The following MCHR2 variants were observed in gnomAD, a reference collection of about 807,000 sequenced individuals.
MCHR2 encodes melanin-concentrating hormone receptor 2.
A neutral mutation model predicts 24.8 loss-of-function variants in MCHR2; 15 were observed. That is an observed-to-expected ratio of 0.60 (90% CI 0.40 to 0.93). The LOEUF (loss-of-function observed/expected upper bound fraction) is 0.93, where lower values mean the gene tolerates loss of function less well. MCHR2 is among the 40% of genes least tolerant of loss of function. The probability of loss-of-function intolerance (pLI) is 0.00; values close to 1 mark genes in which losing one functional copy is unlikely to be tolerated. For synonymous variants in MCHR2, 151 were observed against 147.6 expected (o/e 1.02, Z -0.17); for missense variants, 386 against 408.7 (o/e 0.94, Z 0.48).
intron 5 of MCHR2, among the ~76,000 whole-genome samples, chr6:99,931,486 C>G (rs1471404912): frequency 1.3e-5 from 2 of 152,206 alleles, no homozygotes; most frequent in African/African-American, 4.8e-5. Flanking sequence ...CTGTGGTGGG[C>G]TCCACCCAGT....
At chr6:99,968,347 C>T (rs1477221581) in intron 1 of MCHR2, among the ~76,000 whole-genome samples, 1 of 152,140 alleles carries the variant, frequency 6.6e-6, no homozygotes, top group Non-Finnish European at 1.5e-5. Context: ...GGATCACTCC[C>T]ATGATCCCAT....
intron 1 of MCHR2, among the ~76,000 whole-genome samples, chr6:99,973,854 A>G (rs1280322733): frequency 6.6e-6 from 1 of 152,200 alleles, no homozygotes; most frequent in East Asian, 1.9e-4. Flanking sequence ...TTCTGGGTTG[A>G]AAATTCTTTC....
chr6:99,963,684 A>C (rs762308403), intron 1 of MCHR2, among the ~76,000 whole-genome samples: 13 of 152,138 alleles, frequency 8.5e-5, no homozygotes, highest in Non-Finnish European at 1.6e-4. Flanking sequence ...ATAATAAGAA[A>C]TGCATGTAGA....
In MCHR2 at chr6:99,920,049, A is replaced by T. The variant is rs1244835443; in HGVS notation, c.*891T>A. On this transcript the variant is annotated 3_prime_UTR_variant, in exon 6 of 6. Transcript: ENST00000281806. ...CCAGGAATGTTTCCTAATTATGCTT[A>T]AAGTCCAGAAGTAAAGTATTATTAT... The T allele has an allele frequency of 2.0e-5, 3 of 152,226 alleles. No homozygotes were observed. Among genetic ancestry groups the T allele is most frequent in the African/African-American group, 7.2e-5 (3 of 41,446 alleles). The allele number at this position is 152,226 out of a possible 1,614,324, so 9.4% of individuals were successfully genotyped here. A position where few individuals can be genotyped will look rare whatever the true frequency, so the allele number is the denominator to read the frequency against.
In MCHR2 at chr6:99,918,974, C is replaced by A. The variant is rs1435786864; in HGVS notation, c.*1966G>T. ...ATAATATTTTTCTGTATTAAAAAAA[C>A]AATGAAAGTAAGCAATTGCTCTTCA... On this transcript the variant is annotated 3_prime_UTR_variant, in exon 6 of 6. Coordinates refer to ENST00000281806, the MANE Select transcript of MCHR2 (RefSeq NM_001040179.2). Among the ~76,000 whole-genome samples the A allele has an allele frequency of 6.6e-6, 1 of 152,002 alleles. No individual in the cohort carries two copies. The highest frequency in any genetic ancestry group is 1.5e-5 in the Non-Finnish European group (1 of 67,992).
At chr6:99,946,072 A>G (rs1215855734) in intron 3 of MCHR2, among the ~76,000 whole-genome samples, 1 of 151,504 alleles carries the variant, frequency 6.6e-6, no homozygotes, top group South Asian at 2.1e-4. Context: ...AAGGCACAGT[A>G]TATAAAGAAG....
chr6:99,967,334 T>A (rs1279856620), intron 1 of MCHR2, among the ~76,000 whole-genome samples: 1 of 151,990 alleles, frequency 6.6e-6, no homozygotes, highest in Non-Finnish European at 1.5e-5. Context: ...TTAAAGAACA[T>A]TAGGCTTTTT....
intron 2 of MCHR2, among the ~76,000 whole-genome samples, chr6:99,950,292 A>G (rs921327481): frequency 2.6e-5 from 4 of 152,296 alleles, no homozygotes; most frequent in African/African-American, 4.8e-5. Flanking sequence ...TCAAAATTAA[A>G]AACAATTAAA....
intron 5 of MCHR2, among the ~76,000 whole-genome samples, chr6:99,928,604 G>T (rs1774428058): frequency 6.6e-6 from 1 of 152,188 alleles, no homozygotes; most frequent in Non-Finnish European, 1.5e-5. Flanking sequence ...ATTTCTTCTA[G>T]ATTTTTTAGT....
At chr6:99,932,873 G>A (rs1262537706) in intron 5 of MCHR2, among the ~76,000 whole-genome samples, 2 of 152,088 alleles carry the variant, frequency 1.3e-5, no homozygotes, top group East Asian at 3.9e-4. Context: ...GTAAAGAATG[G>A]AATTTAGTTA....
At chr6:99,931,854 C>A (rs555345864) in intron 5 of MCHR2, among the ~76,000 whole-genome samples, 2 of 152,306 alleles carry the variant, frequency 1.3e-5, no homozygotes, top group South Asian at 4.1e-4. Context: ...CTGTCCTGCA[C>A]CCACTGTCTG....
At chr6:99,923,229 T>C (rs1774276223) in intron 5 of MCHR2, among the ~76,000 whole-genome samples, 1 of 152,204 alleles carries the variant, frequency 6.6e-6, no homozygotes, top group South Asian at 2.1e-4. Flanking sequence ...TTTTGTATGT[T>C]GATTTTGTAT....
At chr6:99,978,094 T>C (rs1775588206) in intron 1 of MCHR2, among the ~76,000 whole-genome samples, 1 of 152,120 alleles carries the variant, frequency 6.6e-6, no homozygotes, top group African/African-American at 2.4e-5. Flanking sequence ...AGGAAGGAAG[T>C]GCAGCCGATG....
At chr6:99,963,964 G>A (rs999042719) in intron 1 of MCHR2, among the ~76,000 whole-genome samples, 2 of 152,056 alleles carry the variant, frequency 1.3e-5, no homozygotes, top group African/African-American at 4.8e-5. Context: ...CAGAAAAATG[G>A]CAAGTGACTT....
intron 1 of MCHR2, among the ~76,000 whole-genome samples, chr6:99,970,877 T>A (rs1054608221): frequency 6.6e-6 from 1 of 152,196 alleles, no homozygotes; most frequent in South Asian, 2.1e-4. Context: ...GTTGTAGATA[T>A]GCGGCATTAT....
chr6:99,931,960 G>C (rs1255416789), intron 5 of MCHR2, among the ~76,000 whole-genome samples: 1 of 152,122 alleles, frequency 6.6e-6, no homozygotes, highest in Non-Finnish European at 1.5e-5. Flanking sequence ...GACCGGAGCT[G>C]TTCCTATTCG....
At chr6:99,954,048 G>C (rs189053624) in intron 2 of MCHR2, among the ~76,000 whole-genome samples, 1 of 152,148 alleles carries the variant, frequency 6.6e-6, no homozygotes, top group East Asian at 1.9e-4. Context: ...CATCCTGAGG[G>C]CTCCTCTTGC....
chr6:99,960,544 A>C (rs1775164405), intron 1 of MCHR2, among the ~76,000 whole-genome samples: 1 of 152,208 alleles, frequency 6.6e-6, no homozygotes, highest in Admixed American at 6.5e-5. Flanking sequence ...GGCAAAAGGA[A>C]CAAAGCCAGA....
At chr6:99,944,762 A>C (rs1261774264) in intron 3 of MCHR2, among the ~76,000 whole-genome samples, 1 of 152,180 alleles carries the variant, frequency 6.6e-6, no homozygotes, top group African/African-American at 2.4e-5. Context: ...CTTCTCTGAT[A>C]GCATCCCTCC....
Sources: gnomAD v4.1 joint callset for allele counts (sites outside exome capture counted in the v4.1 genomes callset) on GRCh38, gnomAD v4.1.1 for gene constraint, MANE v1.5 for transcripts, NCBI Gene and HGNC (gene_info 2026-07-23, HGNC 2026-07-21) for gene names.